Variants in MAGI2 observed in about 807,000 individuals in gnomAD.
The protein encoded by MAGI2 is membrane associated guanylate kinase, WW and PDZ domain containing 2, also known as membrane-associated guanylate kinase, WW and PDZ domain-containing protein 2.
In MAGI2, 35 loss-of-function variants were observed where a neutral mutation model predicts 133.3. The observed-to-expected ratio is 0.26, with a 90% CI of 0.20 to 0.35. The LOEUF (loss-of-function observed/expected upper bound fraction) is 0.35. MAGI2 is among the 10% of genes least tolerant of loss of function. The pLI is 1.00. For synonymous variants in MAGI2, 729 were observed against 710.6 expected, an observed-to-expected ratio of 1.03 and a Z score of -0.41; for missense variants, 1,636 against 1,863.4, an observed-to-expected ratio of 0.88 and a Z score of 2.25.
chr7:78,263,211 A>G (rs1042774697), intron 9 of MAGI2, among the ~76,000 whole-genome samples: 1 of 152,054 alleles, frequency 6.6e-6, no homozygotes, highest in Non-Finnish European at 1.5e-5. Context: ...TCTTTATCCA[A>G]TCCACCATTG....
At chr7:79,282,221 A>G (rs1528270) in intron 1 of MAGI2, among the ~76,000 whole-genome samples, 84,083 of 152,090 alleles carry the variant, frequency 0.55, 25,869 homozygotes, top group Non-Finnish European at 0.68. Context: ...GAGGCATTGT[A>G]AAATCTTACA....
intron 7 of MAGI2, among the ~76,000 whole-genome samples, chr7:78,368,950 A>G (rs1040116215): frequency 6.6e-6 from 1 of 152,100 alleles, no homozygotes; most frequent in Non-Finnish European, 1.5e-5. Flanking sequence ...GTGTTTTAGA[A>G]TCGTTGAGTC....
At chr7:78,208,838 A>G (rs1399353104) in intron 10 of MAGI2, among the ~76,000 whole-genome samples, 1 of 152,094 alleles carries the variant, frequency 6.6e-6, no homozygotes, top group Non-Finnish European at 1.5e-5. Context: ...TTCAATACAG[A>G]AATGGAATCT....
intron 2 of MAGI2, among the ~76,000 whole-genome samples, chr7:78,932,385 T>C (rs1439226505): frequency 6.6e-6 from 1 of 152,048 alleles, no homozygotes; most frequent in Non-Finnish European, 1.5e-5. Flanking sequence ...TGGGAAGCAG[T>C]GCAAGTGTGA....
At chr7:78,575,503 G>A (rs577600127) in intron 3 of MAGI2, among the ~76,000 whole-genome samples, 1 of 152,180 alleles carries the variant, frequency 6.6e-6, no homozygotes, top group South Asian at 2.1e-4. Context: ...TTTTTCCAAG[G>A]ACTACATAAA....
At chr7:79,105,790 C>G (rs1307628432) in intron 1 of MAGI2, among the ~76,000 whole-genome samples, 1 of 151,884 alleles carries the variant, frequency 6.6e-6, no homozygotes, top group African/African-American at 2.4e-5. Context: ...AACCATATCT[C>G]TAAGTCTAGT....
At chr7:79,175,037 T>C (rs920444839) in intron 1 of MAGI2, among the ~76,000 whole-genome samples, 1 of 151,868 alleles carries the variant, frequency 6.6e-6, no homozygotes, top group Non-Finnish European at 1.5e-5. Context: ...ATATGCACCA[T>C]AGTTCAGCTA....
intron 2 of MAGI2, among the ~76,000 whole-genome samples, chr7:78,891,467 C>A (rs1796742927): frequency 6.6e-6 from 1 of 152,082 alleles, no homozygotes; most frequent in Non-Finnish European, 1.5e-5. Flanking sequence ...AACATCGATG[C>A]AAACATCCTC....
intron 1 of MAGI2, among the ~76,000 whole-genome samples, chr7:79,010,084 T>G (rs1442732405): frequency 2.6e-5 from 4 of 152,032 alleles, no homozygotes; most frequent in Non-Finnish European, 1.5e-5. Flanking sequence ...TATACACATA[T>G]ATTTTTGTGT....
chr7:78,853,221 A>C (rs552295880), intron 2 of MAGI2, among the ~76,000 whole-genome samples: 2 of 151,436 alleles, frequency 1.3e-5, no homozygotes, highest in Admixed American at 6.6e-5. Context: ...CTTTTCGTTT[A>C]ACAGTCCAAT....
At chr7:79,032,244 C>T (rs1286819576) in intron 1 of MAGI2, among the ~76,000 whole-genome samples, 3 of 152,092 alleles carry the variant, frequency 2.0e-5, no homozygotes, top group South Asian at 2.1e-4. Context: ...GGGCCAGGCA[C>T]GGTGGTTCAC....
chr7:78,037,960 A>C (rs1004225659), intron 21 of MAGI2, among the ~76,000 whole-genome samples: 1 of 152,350 alleles, frequency 6.6e-6, no homozygotes, highest in East Asian at 1.9e-4. Flanking sequence ...GTCTCTTCAC[A>C]GGAGTAGACA....
rs562612147 is a variant in MAGI2 at position 78,718,189 on chromosome 7, T to C, written c.419-90950A>G. 2.9e-4 allele frequency among the ~76,000 whole-genome samples: 44 copies of C among 152,334 alleles called. 1 individual carries two copies. The South Asian group carries it at 6.0e-3, about 21-fold the overall frequency. On this transcript the variant is annotated intron_variant, in intron 2 of 21. Coordinates refer to ENST00000354212, the MANE Select transcript of MAGI2 (RefSeq NM_012301.4). The stretch of plus-strand genomic sequence containing the variant: ...TGTATCTAAAGTGACAAAAAACTTA[T>C]AACGCTGTTTCAGATCAACTATAGA...
At chr7:79,434,070 T>C (rs2129189392) in intron 1 of MAGI2, among the ~76,000 whole-genome samples, 1 of 152,222 alleles carries the variant, frequency 6.6e-6, no homozygotes, top group Admixed American at 6.5e-5. Flanking sequence ...AATTTTATTT[T>C]TCTAAAAGCC....
intron 6 of MAGI2, among the ~76,000 whole-genome samples, chr7:78,401,226 C>G (rs1426343967): frequency 6.6e-6 from 1 of 151,982 alleles, no homozygotes; most frequent in African/African-American, 2.4e-5. Context: ...GGATCTGTAG[C>G]ATGAGGAAAA....
chr7:78,927,497 G>A (rs949784656), intron 2 of MAGI2, among the ~76,000 whole-genome samples: 13 of 151,830 alleles, frequency 8.6e-5, no homozygotes, highest in African/African-American at 3.1e-4. Flanking sequence ...GAGATTTTTA[G>A]CTCTAATATC....
At chr7:78,823,907 C>T (rs1216995189) in intron 2 of MAGI2, among the ~76,000 whole-genome samples, 2 of 138,282 alleles carry the variant, frequency 1.4e-5, no homozygotes, top group East Asian at 3.9e-4. Context: ...TTGGATTTCA[C>T]ATCACACACA....
chr7:78,777,219 C>T (rs1463625165), intron 2 of MAGI2, among the ~76,000 whole-genome samples: 5 of 152,088 alleles, frequency 3.3e-5, no homozygotes, highest in Non-Finnish European at 7.4e-5. Flanking sequence ...TCTTAACTAA[C>T]CAGCCAAAGT....
chr7:79,223,415 G>A (rs888219221), intron 1 of MAGI2, among the ~76,000 whole-genome samples: 4 of 151,936 alleles, frequency 2.6e-5, no homozygotes, highest in Non-Finnish European at 5.9e-5. Context: ...GGGGAAACTA[G>A]CTGCAGTGAG....
Sources: gnomAD v4.1 joint callset for allele counts (sites outside exome capture counted in the v4.1 genomes callset) on GRCh38, gnomAD v4.1.1 for gene constraint, MANE v1.5 for transcripts, NCBI Gene and HGNC (gene_info 2026-07-23, HGNC 2026-07-21) for gene names.